DAB1: variants seen among roughly 807,000 people sequenced by gnomAD.
DAB1 encodes the protein disabled homolog 1.
DAB1 carries 15 observed loss-of-function variants against 64.6 expected under a neutral mutation model. That is an observed-to-expected ratio of 0.23 (90% CI 0.16 to 0.36). DAB1 has a LOEUF of 0.36. DAB1 is among the 10% of genes least tolerant of loss of function. The pLI, the probability that DAB1 is intolerant of heterozygous loss-of-function variation, is 1.00. For missense variants in DAB1, 596 were observed against 706.7 expected, an observed-to-expected ratio of 0.84 and a Z score of 1.78; for synonymous variants, 235 against 251.9, an observed-to-expected ratio of 0.93 and a Z score of 0.64.
intron 5 of DAB1, among the ~76,000 whole-genome samples, chr1:57,900,770 C>T (rs1644460965): frequency 6.6e-6 from 1 of 152,176 alleles, no homozygotes; most frequent in Admixed American, 6.5e-5. Context: ...GACTTCCCAG[C>T]TCTGCCTGTT....
chr1:57,948,330 G>A (rs1258666656), intron 5 of DAB1, among the ~76,000 whole-genome samples: 1 of 152,194 alleles, frequency 6.6e-6, no homozygotes, highest in African/African-American at 2.4e-5. Flanking sequence ...TAGCAAGGTT[G>A]CTGATGACTT....
At chr1:57,321,958 C>A (rs1051001391) in intron 1 of DAB1, among the ~76,000 whole-genome samples, 2 of 152,284 alleles carry the variant, frequency 1.3e-5, no homozygotes, top group South Asian at 4.1e-4. Context: ...CTCACCATCT[C>A]CCCAGGCAGC....
chr1:58,527,391 A>G (rs111820063), intron 1 of DAB1: 1 of 824,806 alleles, frequency 1.2e-6, no homozygotes, highest in South Asian at 1.3e-5. Flanking sequence ...CGAAAAAAGG[A>G]GTAACACAGA....
intron 6 of DAB1, among the ~76,000 whole-genome samples, chr1:57,679,746 C>A (rs1646614457): frequency 6.6e-6 from 1 of 152,160 alleles, no homozygotes; most frequent in African/African-American, 2.4e-5. Context: ...AATTTTCATT[C>A]TAAGCCTTTG....
chr1:57,842,326 G>A (rs1467240857), intron 1 of DAB1, among the ~76,000 whole-genome samples: 1 of 152,144 alleles, frequency 6.6e-6, no homozygotes, highest in African/African-American at 2.4e-5. Flanking sequence ...CGAGTCTCTA[G>A]GAAGTTCCAA....
At chr1:57,540,883 A>C (rs1644793688) in intron 7 of DAB1, among the ~76,000 whole-genome samples, 1 of 152,176 alleles carries the variant, frequency 6.6e-6, no homozygotes, top group African/African-American at 2.4e-5. Context: ...AGTTAGACAG[A>C]AGGAAAAAGT....
chr1:57,794,790 G>C (rs1650763578), intron 6 of DAB1, among the ~76,000 whole-genome samples: 1 of 152,150 alleles, frequency 6.6e-6, no homozygotes. Context: ...AAAAATATTT[G>C]TTGCTTTAAT....
At chr1:57,070,536 G>A (rs1356721824) in intron 7 of DAB1, among the ~76,000 whole-genome samples, 1 of 152,182 alleles carries the variant, frequency 6.6e-6, no homozygotes, top group Admixed American at 6.5e-5. Context: ...GCATGAGCCA[G>A]GTAATTGGAG....
At chr1:58,247,067 C>T (rs1660571979) in intron 4 of DAB1, among the ~76,000 whole-genome samples, 1 of 151,970 alleles carries the variant, frequency 6.6e-6, no homozygotes, top group African/African-American at 2.4e-5. Flanking sequence ...ACGATCAAAG[C>T]CATGTTCTAG....
intron 2 of DAB1, among the ~76,000 whole-genome samples, chr1:57,174,255 A>G (rs996854664): frequency 6.6e-6 from 1 of 152,140 alleles, no homozygotes; most frequent in Non-Finnish European, 1.5e-5. Context: ...ACCATTCCAT[A>G]ATATCTGCTC....
chr1:57,175,709 C>T (rs1040970312), intron 2 of DAB1, among the ~76,000 whole-genome samples: 1 of 152,142 alleles, frequency 6.6e-6, no homozygotes, highest in Non-Finnish European at 1.5e-5. Flanking sequence ...GATAACAGTC[C>T]TCTGGTACAA....
intron 1 of DAB1, among the ~76,000 whole-genome samples, chr1:57,394,822 T>G (rs1223106565): frequency 6.6e-6 from 1 of 152,162 alleles, no homozygotes; most frequent in Non-Finnish European, 1.5e-5. Context: ...CTGCCCAAAC[T>G]TATTTGACCA....
chr1:57,669,989 G>A lies in DAB1; in HGVS notation n.552-20324C>T, dbSNP rs1398155470. Among the ~76,000 whole-genome samples the A allele has an allele frequency of 2.0e-5, 3 of 152,144 alleles. No homozygotes were observed. The East Asian group carries it at 5.8e-4, about 29-fold the overall frequency. On this transcript the variant is annotated intron_variant and non_coding_transcript_variant, in intron 6 of 20. Coordinates refer to the DAB1 transcript ENST00000485760. ...ATTTCTTCTCAAATATAACGATATT[G>A]GTACATTCATTATGATAATAGCCAT... is the stretch of plus-strand genomic sequence containing the variant.
At chr1:57,640,863 C>T (rs757525743) in intron 7 of DAB1, among the ~76,000 whole-genome samples, 2 of 152,146 alleles carry the variant, frequency 1.3e-5, no homozygotes, top group Non-Finnish European at 2.9e-5. Flanking sequence ...TAGGGGCATG[C>T]AAGCTCAGGA....
At chr1:57,031,121 TAAACGAGAA>T (rs1357679969) in intron 9 of DAB1, among the ~76,000 whole-genome samples, 1 of 152,208 alleles carries the variant, frequency 6.6e-6, no homozygotes, top group Non-Finnish European at 1.5e-5. Context: ...ACTCAAGGAT[TAAACGAGAA>T]AAACATGCAG....
At chr1:57,944,488 T>A (rs1322380039) in intron 5 of DAB1, among the ~76,000 whole-genome samples, 3 of 152,180 alleles carry the variant, frequency 2.0e-5, no homozygotes, top group South Asian at 2.1e-4. Flanking sequence ...GGGCAGAGAT[T>A]TCTGTGCTCA....
chr1:57,729,411 CCT>C (rs1486141133), intron 6 of DAB1, among the ~76,000 whole-genome samples: 4 of 152,242 alleles, frequency 2.6e-5, no homozygotes, highest in Non-Finnish European at 5.9e-5. Flanking sequence ...CCCGCCACAT[CCT>C]CTCTGCACTG....
In DAB1 at chr1:57,713,647, A is replaced by C. The variant is rs969464538; in HGVS notation, n.552-63982T>G. Among the ~76,000 whole-genome samples, 25 of 152,324 alleles carry C rather than the reference A, an allele frequency of 1.6e-4. No homozygotes were observed. The East Asian group carries it at 4.6e-3, about 28-fold the overall frequency. On this transcript the variant is annotated intron_variant and non_coding_transcript_variant, in intron 6 of 20. Transcript: ENST00000485760. The stretch of plus-strand genomic sequence containing the variant: ...GCATGTGATGAATACTACAAATCCC[A>C]TCAATGGATATTCATTTTGGCAATG...
chr1:57,645,051 C>T (rs988005514), intron 7 of DAB1, among the ~76,000 whole-genome samples: 1 of 152,034 alleles, frequency 6.6e-6, no homozygotes, highest in Non-Finnish European at 1.5e-5. Flanking sequence ...CAGTTACAGG[C>T]CCACATGCTG....
Sources: allele counts gnomAD v4.1 joint callset (sites outside exome capture counted in the v4.1 genomes callset), GRCh38; gene constraint gnomAD v4.1.1; transcripts MANE v1.5; gene names NCBI Gene and HGNC (gene_info 2026-07-23, HGNC 2026-07-21).